Variants in LAMC3 observed in about 807,000 individuals in gnomAD.
LAMC3 encodes the protein laminin subunit gamma 3.
A neutral mutation model predicts 173.8 loss-of-function variants in LAMC3; 128 were observed. The ratio of observed to expected loss-of-function variants is 0.74; its 90% CI spans 0.64 to 0.85. The LOEUF (loss-of-function observed/expected upper bound fraction) is 0.85. Ranked by LOEUF, LAMC3 falls within the 40% of genes least tolerant of loss-of-function variation. The pLI, the probability that LAMC3 is intolerant of heterozygous loss-of-function variation, is 0.00. For synonymous variants in LAMC3, 897 were observed against 909.1 expected (o/e 0.99, Z 0.24); for missense variants, 2,022 against 2,156.0 (o/e 0.94, Z 1.23).
chr9:131,017,762 A>G (rs943720913), intron 1 of LAMC3, among the ~76,000 whole-genome samples: 2 of 145,014 alleles, frequency 1.4e-5, no homozygotes, highest in Non-Finnish European at 3.0e-5. Context: ...GCAGTAGTTC[A>G]CACCTGTAAT....
intron 2 of LAMC3, among the ~76,000 whole-genome samples, chr9:131,028,661 C>T (rs934594477): frequency 3.3e-5 from 5 of 152,162 alleles, no homozygotes; most frequent in Admixed American, 2.6e-4. Context: ...CTCACATCAG[C>T]CAGTGGAGAG....
At chr9:131,058,910 A>G (rs920609718) in intron 12 of LAMC3, among the ~76,000 whole-genome samples, 72 of 147,928 alleles carry the variant, frequency 4.9e-4, no homozygotes, top group African/African-American at 1.7e-3. Context: ...AGAAAAAAAA[A>G]AAGAAGAGGC....
Position 131,045,639 on chromosome 9 carries a change from A to T in LAMC3, c.1498A>T (p.Ile500Phe), listed in dbSNP as rs749902650. 26 of 1,614,182 alleles carry T rather than the reference A, an allele frequency of 1.6e-5. No individual in the cohort carries two copies. The highest frequency in any genetic ancestry group is 2.0e-5 in the Non-Finnish European group (24 of 1,180,036). Residue 500 changes from isoleucine to phenylalanine, a missense_variant, in exon 8 of 28, where the codon ATC (isoleucine) becomes TTC (phenylalanine). Ile to Phe is a conservative substitution (Grantham distance 21). Transcript: ENST00000361069. ...ASTAQFQVHH[I>F]LSDFHQGAEG... The stretch of plus-strand genomic sequence containing the variant: ...CACTGCCCAGTTCCAGGTGCATCAC[A>T]TCCTCAGCGATTTCCACCAGGGTAA...
rs1381349334 is a variant in LAMC3 at position 131,082,179 on chromosome 9, A to G, written c.4030+18A>G. 3.6e-5 allele frequency: 57 copies of G among 1,582,822 alleles called. No homozygotes were observed. The highest frequency in any genetic ancestry group is 4.8e-5 in the Non-Finnish European group (55 of 1,153,698). On this transcript the variant is annotated intron_variant, in intron 24 of 27. Transcript: ENST00000361069. ...TCTGGAAGGTACGTGAGTCCAGCTG[A>G]CCACTAGGCTGTGTAATGACGAACG...
intron 9 of LAMC3, among the ~76,000 whole-genome samples, chr9:131,050,787 AAAAG>A (rs952725665): frequency 1.3e-5 from 2 of 151,774 alleles, no homozygotes; most frequent in African/African-American, 4.9e-5. Context: ...GAAAAAAAAA[AAAAG>A]AGTATTTAAT....
chr9:131,074,652 C>T (rs184318522), intron 20 of LAMC3, among the ~76,000 whole-genome samples: 1 of 147,510 alleles, frequency 6.8e-6, no homozygotes. Flanking sequence ...GCTGAGATTA[C>T]ACCACTGCAC....
In LAMC3 at chr9:131,084,983, C is replaced by G. The variant is rs541455527; in HGVS notation, c.4031-541C>G. On this transcript the variant is annotated intron_variant, in intron 24 of 27. Transcript: ENST00000361069. Reference sequence around the variant, plus strand: ...AGAATTGTAACATTTCCCTTTTTGTCTTGATTGCTTGAAAGCTCAGTGGTC... The same window carrying G: ...AGAATTGTAACATTTCCCTTTTTGTGTTGATTGCTTGAAAGCTCAGTGGTC... Among the ~76,000 whole-genome samples the G allele has an allele frequency of 3.3e-5, 5 of 149,656 alleles. No individual in the cohort carries two copies. The South Asian group carries it at 1.1e-3, about 32-fold the overall frequency.
intron 12 of LAMC3, among the ~76,000 whole-genome samples, chr9:131,059,533 C>G (rs1173598175): frequency 1.1e-5 from 1 of 91,170 alleles, no homozygotes; most frequent in African/African-American, 3.1e-5. Flanking sequence ...GTCAGCTGAC[C>G]TAGCCGGGGA....
intron 8 of LAMC3, among the ~76,000 whole-genome samples, chr9:131,047,862 CA>C (rs113887681): frequency 6.1e-5 from 9 of 146,804 alleles, no homozygotes; most frequent in South Asian, 2.2e-4. Context: ...GACTCTGTCT[CA>C]AAAAAAAAGA....
rs775368834 is a variant in LAMC3 at position 131,036,264 on chromosome 9, G to A, written c.908G>A (p.Arg303His). ...QHNTTGTDCERCLPFFQDRPW... is the reference protein window; with the variant it reads ...QHNTTGTDCEHCLPFFQDRPW... The stretch of plus-strand genomic sequence containing the variant: ...AACACCACCGGCACAGACTGTGAGC[G>A]CTGCCTGCCCTTCTTCCAGGACCGC... Residue 303 changes from arginine to histidine, a missense_variant, in exon 4 of 28, where the codon CGC (arginine) becomes CAC (histidine). Physicochemically the swap from Arg to His is conservative, Grantham distance 29 (BLOSUM62 0). Transcript: ENST00000361069. 90 of 1,613,138 alleles carry A rather than the reference G, an allele frequency of 5.6e-5. No individual in the cohort carries two copies. The highest frequency in any genetic ancestry group is 1.3e-4 in the African/African-American group (10 of 74,900).
At chr9:131,013,679 T>C (rs1833465647) in intron 1 of LAMC3, among the ~76,000 whole-genome samples, 1 of 150,214 alleles carries the variant, frequency 6.7e-6, no homozygotes, top group Non-Finnish European at 1.5e-5. Context: ...TCAGGAAGGG[T>C]CTCGCTGAGA....
chr9:131,050,330 T>G (rs1834258050), intron 9 of LAMC3, among the ~76,000 whole-genome samples: 1 of 152,054 alleles, frequency 6.6e-6, no homozygotes, highest in Non-Finnish European at 1.5e-5. Flanking sequence ...TTGCTTACGG[T>G]GGGGACACAG....
rs1308245764 is a variant in LAMC3 at position 131,075,983 on chromosome 9, G to A, written c.3629+18G>A. The A allele has an allele frequency of 1.9e-6, 3 of 1,594,930 alleles. No homozygotes were observed. The highest frequency in any genetic ancestry group is 1.3e-5 in the African/African-American group (1 of 74,728). On this transcript the variant is annotated intron_variant, in intron 21 of 27. Transcript: ENST00000361069. Reference sequence around the variant, plus strand: ...GAGGACAGGTGAGGCCTCCCCAGGTGTGGGTAGAAACTTTGGGGTTGGCCT... The same window carrying A: ...GAGGACAGGTGAGGCCTCCCCAGGTATGGGTAGAAACTTTGGGGTTGGCCT...
intron 20 of LAMC3, among the ~76,000 whole-genome samples, chr9:131,073,599 A>G (rs774754632): frequency 5.9e-5 from 9 of 152,178 alleles, no homozygotes; most frequent in Non-Finnish European, 1.2e-4. Flanking sequence ...TATTGGGGGT[A>G]TAGTTCACAC....
intron 7 of LAMC3, among the ~76,000 whole-genome samples, chr9:131,043,942 G>GC (rs1834100912): frequency 6.7e-6 from 1 of 148,968 alleles, no homozygotes; most frequent in East Asian, 2.0e-4. Flanking sequence ...AGACTGGGCT[G>GC]CATTTAGTGA....
chr9:131,063,513 T>A (rs1191419240), intron 13 of LAMC3, among the ~76,000 whole-genome samples: 1 of 152,180 alleles, frequency 6.6e-6, no homozygotes, highest in Non-Finnish European at 1.5e-5. Context: ...GTGCCCTTCT[T>A]ATCCACACCA....
In LAMC3 at chr9:131,026,860, C is replaced by T. The variant is rs553962705; in HGVS notation, c.678+271C>T. 2.0e-5 allele frequency among the ~76,000 whole-genome samples: 3 copies of T among 152,282 alleles called. No homozygotes were observed. The highest frequency in any genetic ancestry group is 2.1e-4 in the South Asian group (1 of 4,824). On this transcript the variant is annotated intron_variant, in intron 2 of 27. Transcript: ENST00000361069. The surrounding 1 kb of genome is among the most constrained non-coding windows in gnomAD (Gnocchi z 4.8). ...TAACTGAGATTACAGGTGCCCGCCA[C>T]GACTCCTGGCTGATTCTTTTTTGTA...
intron 7 of LAMC3, among the ~76,000 whole-genome samples, chr9:131,042,159 C>T (rs1834068893): frequency 6.6e-6 from 1 of 152,086 alleles, no homozygotes; most frequent in South Asian, 2.1e-4. Flanking sequence ...GGAGCACTAT[C>T]ACAGGCCTCC....
rs1830445582 is a variant in LAMC3 at position 131,092,654 on chromosome 9, G to A, written c.*867G>A. ...TCTATCCAAAGAGCCAGGCCCAAAAGCGCCTAGGTCAGGGTGCTCAGGCTA... is the reference window on the plus strand; with the variant it reads ...TCTATCCAAAGAGCCAGGCCCAAAAACGCCTAGGTCAGGGTGCTCAGGCTA... On this transcript the variant is annotated 3_prime_UTR_variant, in exon 28 of 28. Transcript: ENST00000361069. 6.6e-6 allele frequency: 1 copy of A among 152,306 alleles called. No individual in the cohort carries two copies. Among genetic ancestry groups the A allele is most frequent in the Admixed American group, 6.5e-5 (1 of 15,278 alleles). The allele number at this position is 152,306 out of a possible 1,614,324, so 9.4% of individuals were successfully genotyped here.
Sources: allele counts gnomAD v4.1 joint callset (sites outside exome capture counted in the v4.1 genomes callset), GRCh38; gene constraint gnomAD v4.1.1; non-coding constraint Gnocchi (gnomAD v3.1); transcripts MANE v1.5; gene names NCBI Gene and HGNC (gene_info 2026-07-23, HGNC 2026-07-21).